The following DLGAP2 variants were observed in gnomAD, a reference collection of about 807,000 sequenced individuals.
DLGAP2 encodes the protein disks large-associated protein 2.
In DLGAP2, 26 loss-of-function variants were observed where a neutral mutation model predicts 100.3. The ratio of observed to expected loss-of-function variants is 0.26; its 90% CI spans 0.19 to 0.36. The LOEUF is 0.36. Ranked by LOEUF, DLGAP2 falls within the 10% of genes least tolerant of loss-of-function variation. The pLI is 1.00. For missense variants in DLGAP2, 1,858 were observed against 1,453.2 expected (o/e 1.28, Z -4.53); for synonymous variants, 886 against 630.1 (o/e 1.41, Z -6.08).
chr8:1,472,281 G>A (rs886186370), intron 3 of DLGAP2, among the ~76,000 whole-genome samples: 3 of 152,230 alleles, frequency 2.0e-5, no homozygotes, highest in African/African-American at 7.2e-5. Flanking sequence ...CAGATGCAGG[G>A]CCGGAGCAGG....
chr8:1,584,543 G>C (rs995625300), intron 6 of DLGAP2, among the ~76,000 whole-genome samples: 5 of 152,144 alleles, frequency 3.3e-5, no homozygotes, highest in Non-Finnish European at 7.3e-5. Context: ...GGGAGATTCT[G>C]GTCCAGCCTG....
chr8:1,572,419 G>T (rs1204039499), intron 6 of DLGAP2, among the ~76,000 whole-genome samples: 2 of 136,630 alleles, frequency 1.5e-5, no homozygotes, highest in African/African-American at 2.8e-5. Flanking sequence ...AACTGTGGGG[G>T]CATCTGCTGG....
intron 3 of DLGAP2, among the ~76,000 whole-genome samples, chr8:1,306,489 T>C (rs6987688): frequency 0.41 from 62,004 of 151,996 alleles, 13,591 homozygotes; most frequent in African/African-American, 0.58. Context: ...GGCTTACTGT[T>C]GTTAAGATGT....
intron 1 of DLGAP2, among the ~76,000 whole-genome samples, chr8:823,408 C>T (rs1428628626): frequency 6.6e-6 from 1 of 152,098 alleles, no homozygotes; most frequent in Admixed American, 6.5e-5. Context: ...CATTGAAACT[C>T]CCTGTAACTA....
intron 3 of DLGAP2, among the ~76,000 whole-genome samples, chr8:1,459,620 G>C (rs1025657434): frequency 6.6e-6 from 1 of 151,756 alleles, no homozygotes; most frequent in Non-Finnish European, 1.5e-5. Flanking sequence ...AGCAGGCCTA[G>C]AGCACTCACA....
intron 3 of DLGAP2, among the ~76,000 whole-genome samples, chr8:1,472,939 C>G (rs750063911): frequency 4.3e-4 from 66 of 151,832 alleles, no homozygotes; most frequent in Non-Finnish European, 7.1e-4. Flanking sequence ...ATAATTCACA[C>G]AATTTTTTTT....
chr8:1,613,959 C>A (rs1269003186), intron 6 of DLGAP2, among the ~76,000 whole-genome samples: 4 of 152,306 alleles, frequency 2.6e-5, no homozygotes, highest in Admixed American at 1.3e-4. Context: ...ATTCCCGGTA[C>A]AAATATGAAC....
chr8:788,912 A>C (rs917569811), intron 1 of DLGAP2, among the ~76,000 whole-genome samples: 1 of 152,210 alleles, frequency 6.6e-6, no homozygotes, highest in Non-Finnish European at 1.5e-5. Flanking sequence ...CTTTAGCCTC[A>C]AGTGGGAAGC....
intron 14 of DLGAP2, 37 bp downstream of exon 14, chr8:1,697,336 C>T (rs868533462): frequency 6.4e-7 from 1 of 1,552,446 alleles, no homozygotes; most frequent in Non-Finnish European, 8.7e-7. Flanking sequence ...CCCAGCAAAC[C>T]CCCTTTCTCA....
chr8:1,604,034 T>G (rs1796716297), intron 6 of DLGAP2, among the ~76,000 whole-genome samples: 1 of 152,092 alleles, frequency 6.6e-6, no homozygotes, highest in Non-Finnish European at 1.5e-5. Context: ...ACATTTCCAT[T>G]CTGATGCCCA....
At chr8:1,515,414 GCA>G (rs1051191668) in intron 4 of DLGAP2, among the ~76,000 whole-genome samples, 47 of 150,514 alleles carry the variant, frequency 3.1e-4, no homozygotes, top group Non-Finnish European at 5.9e-4. Flanking sequence ...ACACAGATGT[GCA>G]CACACACACG....
At chr8:1,221,243 C>T (rs1281030322) in intron 2 of DLGAP2, among the ~76,000 whole-genome samples, 3 of 152,166 alleles carry the variant, frequency 2.0e-5, no homozygotes, top group African/African-American at 7.2e-5. Flanking sequence ...AAGGGTCTTT[C>T]ATGTCCATGT....
intron 4 of DLGAP2, among the ~76,000 whole-genome samples, chr8:1,506,990 T>C (rs985774964): frequency 6.6e-6 from 1 of 152,218 alleles, no homozygotes; most frequent in Non-Finnish European, 1.5e-5. Flanking sequence ...TGCTGATTGG[T>C]GCATCTACAA....
At chr8:1,618,158 C>G (rs1225432615) in intron 6 of DLGAP2, among the ~76,000 whole-genome samples, 1 of 152,138 alleles carries the variant, frequency 6.6e-6, no homozygotes, top group African/African-American at 2.4e-5. Context: ...GAAGGAGCTC[C>G]TTCCATGTTT....
chr8:1,418,077 C>A (rs1180183701), intron 3 of DLGAP2, among the ~76,000 whole-genome samples: 2 of 152,156 alleles, frequency 1.3e-5, no homozygotes, highest in African/African-American at 2.4e-5. Context: ...ATCTCATTAG[C>A]AAAAATAAAT....
At chr8:1,569,851 A>G (rs1448729595) in intron 6 of DLGAP2, among the ~76,000 whole-genome samples, 2 of 147,998 alleles carry the variant, frequency 1.4e-5, no homozygotes, top group African/African-American at 5.0e-5. Flanking sequence ...GGAGGGCAGG[A>G]TAGATCTTCA....
chr8:1,491,252 C>A (rs540703802), intron 3 of DLGAP2, among the ~76,000 whole-genome samples: 1 of 152,112 alleles, frequency 6.6e-6, no homozygotes, highest in Non-Finnish European at 1.5e-5. Context: ...ACTGGCGTCC[C>A]AGGTTGCCTG....
At chr8:841,631 C>T (rs1329189682) in intron 1 of DLGAP2, among the ~76,000 whole-genome samples, 1 of 151,886 alleles carries the variant, frequency 6.6e-6, no homozygotes, top group Non-Finnish European at 1.5e-5. Flanking sequence ...AGTGCAGTGG[C>T]CATTCACAGG....
rs62486767 is a variant in DLGAP2 at position 1,073,252 on chromosome 8, C to T, written c.73+165286C>T. Among the ~76,000 whole-genome samples the T allele has an allele frequency of 5.9e-5, 9 of 152,254 alleles. No individual in the cohort carries two copies. In the South Asian group the frequency reaches 1.5e-3, roughly 25 times the overall value. ...ATTGGAACATATCAATTTATATATT[C>T]TTCCAAAATCAGCTCTAAAGAATAA... On this transcript the variant is annotated intron_variant, in intron 2 of 14. Transcript: ENST00000637795.
Sources: gnomAD v4.1 joint callset for allele counts (sites outside exome capture counted in the v4.1 genomes callset) on GRCh38, gnomAD v4.1.1 for gene constraint, MANE v1.5 for transcripts, NCBI Gene and HGNC (gene_info 2026-07-23, HGNC 2026-07-21) for gene names.